Variants in RASGEF1A observed in about 807,000 individuals in gnomAD.
The protein encoded by RASGEF1A is ras-GEF domain-containing family member 1A.
Under a neutral mutation model 56.4 loss-of-function variants are expected in RASGEF1A, and 18 were observed. That is an observed-to-expected ratio of 0.32 (90% CI 0.22 to 0.47). The LOEUF (loss-of-function observed/expected upper bound fraction) is 0.47. RASGEF1A is among the 20% of genes least tolerant of loss of function. The probability of loss-of-function intolerance (pLI) is 1.00; values close to 1 mark genes in which losing one functional copy is unlikely to be tolerated. For synonymous variants in RASGEF1A, 245 were observed against 242.6 expected (o/e 1.01, Z -0.09); for missense variants, 422 against 627.1 (o/e 0.67, Z 3.49).
chr10:43,208,188 G>A, intron 1 of RASGEF1A: 1 of 985,482 alleles, frequency 1.0e-6, no homozygotes, highest in Non-Finnish European at 1.2e-6. Flanking sequence ...CCAGCAGGTG[G>A]TAACCTTGGT....
chr10:43,247,365 T>C (rs1840577464), intron 1 of RASGEF1A, among the ~76,000 whole-genome samples: 1 of 152,176 alleles, frequency 6.6e-6, no homozygotes, highest in South Asian at 2.1e-4. Context: ...GTTCCTTAAA[T>C]TGTTAAACAG....
chr10:43,205,549 C>T (rs185215562), intron 2 of RASGEF1A, among the ~76,000 whole-genome samples: 4 of 152,276 alleles, frequency 2.6e-5, no homozygotes, highest in African/African-American at 7.2e-5. Context: ...GGCGTGCCCT[C>T]GCCAGGACCC....
rs893441273 is a variant in RASGEF1A at position 43,196,915 on chromosome 10, C to CG, written c.1348+60dup. The CG allele has an allele frequency of 6.3e-7, 1 of 1,592,388 alleles. No homozygotes were observed. The highest frequency in any genetic ancestry group is 1.3e-5 in the African/African-American group (1 of 74,786). On this transcript the variant is annotated intron_variant, in intron 11 of 12. Coordinates refer to ENST00000395810, the MANE Select transcript of RASGEF1A (RefSeq NM_145313.4). This position sits in a 1 kb window ranked among gnomAD's most constrained non-coding sequence, Gnocchi z 4.6. ...CTCCCAGGGCAACCCCAAAGAGCAC[C>CG]GGGCCTGGACAAGGAGTCAGGTGGG...
chr10:43,238,231 A>C (rs1005396940), intron 1 of RASGEF1A, among the ~76,000 whole-genome samples: 1 of 151,756 alleles, frequency 6.6e-6, no homozygotes, highest in Non-Finnish European at 1.5e-5. Context: ...TGGCTAGTTT[A>C]TGTGTGCCTA....
intron 3 of RASGEF1A, 119 bp from the exon 4 acceptor site, chr10:43,202,064 C>T: frequency 8.7e-7 from 1 of 1,148,772 alleles, no homozygotes; most frequent in Non-Finnish European, 1.2e-6. Flanking sequence ...TGGGCACAGC[C>T]CCCAACTGCG....
At chr10:43,260,479 C>T (rs1270483138) in intron 1 of RASGEF1A, among the ~76,000 whole-genome samples, 1 of 152,254 alleles carries the variant, frequency 6.6e-6, no homozygotes, top group Non-Finnish European at 1.5e-5. Context: ...CTGTGCTGCC[C>T]TGGAGTCCAA....
chr10:43,202,921 G>A (rs1588928786), intron 3 of RASGEF1A, among the ~76,000 whole-genome samples: 1 of 78,066 alleles, frequency 1.3e-5, no homozygotes, highest in Admixed American at 1.8e-4. Flanking sequence ...AGCCCAGCCA[G>A]GCCATGCCTA....
intron 1 of RASGEF1A, among the ~76,000 whole-genome samples, chr10:43,246,624 A>C (rs926620216): frequency 1.1e-4 from 16 of 152,174 alleles, no homozygotes; most frequent in Non-Finnish European, 2.2e-4. Context: ...CCACACCTCC[A>C]TGGTCACTCA....
intron 1 of RASGEF1A, among the ~76,000 whole-genome samples, chr10:43,206,386 A>G (rs545055695): frequency 6.6e-6 from 1 of 152,348 alleles, no homozygotes; most frequent in South Asian, 2.1e-4. Context: ...CAAAGCCGGC[A>G]GAGAAGAGAA....
intron 10 of RASGEF1A, among the ~76,000 whole-genome samples, chr10:43,197,641 C>T (rs771000943): frequency 1.3e-5 from 2 of 152,176 alleles, no homozygotes; most frequent in East Asian, 1.9e-4. Context: ...AATTCTCTGC[C>T]GCCTCCTCCC....
intron 1 of RASGEF1A, chr10:43,208,398 G>A: frequency 2.0e-6 from 2 of 985,658 alleles, no homozygotes; most frequent in Non-Finnish European, 2.4e-6. Context: ...ACCTGCCTCA[G>A]TGCTAGGAGG....
At chr10:43,239,303 G>A (rs1840474787) in intron 1 of RASGEF1A, among the ~76,000 whole-genome samples, 1 of 152,240 alleles carries the variant, frequency 6.6e-6, no homozygotes, top group African/African-American at 2.4e-5. Flanking sequence ...AATACTTGAT[G>A]TGCTGGGTCA....
chr10:43,244,347 A>C (rs1266804811), intron 1 of RASGEF1A, among the ~76,000 whole-genome samples: 3 of 150,512 alleles, frequency 2.0e-5, no homozygotes, highest in African/African-American at 7.3e-5. Context: ...ACCCTGCCAC[A>C]TCCCCCTCTC....
At chr10:43,238,080 A>G (rs1840454272) in intron 1 of RASGEF1A, among the ~76,000 whole-genome samples, 1 of 94,696 alleles carries the variant, frequency 1.1e-5, no homozygotes, top group Admixed American at 1.2e-4. Context: ...ATAGATTGAG[A>G]CCCGCCTTTG....
intron 4 of RASGEF1A, among the ~76,000 whole-genome samples, chr10:43,201,563 T>C (rs1449015534): frequency 1.3e-5 from 2 of 152,184 alleles, no homozygotes; most frequent in African/African-American, 4.8e-5. Flanking sequence ...GAGACAATGA[T>C]TGCCAGGCCC....
chr10:43,260,992 C>T (rs2505549), intron 1 of RASGEF1A, among the ~76,000 whole-genome samples: 20,234 of 152,166 alleles, frequency 0.13, 2,193 homozygotes, highest in East Asian at 0.53. Flanking sequence ...CGGGCATCTC[C>T]GAGCCAGCAC....
In RASGEF1A at chr10:43,243,914, A is replaced by G. The variant is rs186239482; in HGVS notation, c.-7+22931T>C. Among the ~76,000 whole-genome samples, 17 of 152,362 alleles carry G rather than the reference A, an allele frequency of 1.1e-4. No individual in the cohort carries two copies. The East Asian group carries it at 3.3e-3, about 29-fold the overall frequency. ...AGACAGCGACCATCGAGAATGGGCC[A>G]TGATGACGATGGTGGTTTTGTTGAA... On this transcript the variant is annotated intron_variant, in intron 1 of 12. Coordinates refer to ENST00000395810, the MANE Select transcript of RASGEF1A (RefSeq NM_145313.4).
At chr10:43,242,116 C>T (rs568496581) in intron 1 of RASGEF1A, among the ~76,000 whole-genome samples, 71 of 151,890 alleles carry the variant, frequency 4.7e-4, no homozygotes, top group Middle Eastern at 3.4e-3. Flanking sequence ...CCAGCCTAGA[C>T]GACAGAACGA....
chr10:43,227,861 G>C (rs949961036), intron 1 of RASGEF1A, among the ~76,000 whole-genome samples: 10 of 152,168 alleles, frequency 6.6e-5, no homozygotes, highest in African/African-American at 2.4e-4. Context: ...AATGAAAACA[G>C]CCTACCCACC....
Sources: gnomAD v4.1 joint callset for allele counts (sites outside exome capture counted in the v4.1 genomes callset) on GRCh38, gnomAD v4.1.1 for gene constraint, Gnocchi (gnomAD v3.1) non-coding constraint, MANE v1.5 for transcripts, NCBI Gene and HGNC (gene_info 2026-07-23, HGNC 2026-07-21) for gene names.